CSMD1: variants seen among roughly 807,000 people sequenced by gnomAD.
The protein encoded by CSMD1 is CUB and Sushi multiple domains 1.
CSMD1 carries 213 observed loss-of-function variants against 417.5 expected under a neutral mutation model. The observed-to-expected ratio is 0.51, with a 90% CI of 0.46 to 0.57. The LOEUF (loss-of-function observed/expected upper bound fraction) is 0.57. Among genes scored for constraint, CSMD1 ranks in the 20% least tolerant of loss-of-function variants. The pLI is 0.00. For synonymous variants in CSMD1, 2,862 were observed against 1,736.8 expected, an observed-to-expected ratio of 1.65 and a Z score of -16.11; for missense variants, 6,923 against 4,529.7, an observed-to-expected ratio of 1.53 and a Z score of -15.17.
At chr8:3,283,382 C>G (rs1322297896) in intron 26 of CSMD1, among the ~76,000 whole-genome samples, 3 of 152,126 alleles carry the variant, frequency 2.0e-5, no homozygotes, top group Non-Finnish European at 4.4e-5. Context: ...AGACCCACAC[C>G]TGTCTTGCAT....
chr8:4,344,215 CCT>C (rs1563076025), intron 3 of CSMD1, among the ~76,000 whole-genome samples: 1 of 152,064 alleles, frequency 6.6e-6, no homozygotes, highest in African/African-American at 2.4e-5. Context: ...TGGAGACTTT[CCT>C]CTGTTTTCCC....
At chr8:4,612,975 G>C (rs538554891) in intron 2 of CSMD1, among the ~76,000 whole-genome samples, 1 of 152,126 alleles carries the variant, frequency 6.6e-6, no homozygotes, top group Non-Finnish European at 1.5e-5. Flanking sequence ...AGATATAACA[G>C]TCCCTGCAAA....
chr8:3,274,696 C>T (rs1175464870), intron 26 of CSMD1, among the ~76,000 whole-genome samples: 2 of 152,076 alleles, frequency 1.3e-5, no homozygotes, highest in Admixed American at 6.5e-5. Flanking sequence ...CCTTCTTTGT[C>T]TCTTTTGATC....
intron 2 of CSMD1, among the ~76,000 whole-genome samples, chr8:4,616,565 T>A (rs1478390131): frequency 1.3e-5 from 2 of 152,200 alleles, no homozygotes; most frequent in Non-Finnish European, 2.9e-5. Flanking sequence ...GTTATAATAC[T>A]CAGTAAACTT....
intron 1 of CSMD1, among the ~76,000 whole-genome samples, chr8:4,644,733 G>C (rs1335361572): frequency 6.6e-6 from 1 of 152,184 alleles, no homozygotes; most frequent in Non-Finnish European, 1.5e-5. Flanking sequence ...TTCCCTTATA[G>C]CATTTATAAC....
rs575563066 is a variant in CSMD1 at position 4,670,143 on chromosome 8, T to G, written c.86-32585A>C. Among the ~76,000 whole-genome samples the G allele has an allele frequency of 1.5e-4, 23 of 152,280 alleles. No homozygotes were observed. In the Middle Eastern group the frequency reaches 0.01, roughly 68 times the overall value. ...GATTAGGGTAGGGTTAGAAATATAG[T>G]TTTTCATCTCCTACACTCACATTAA... On this transcript the variant is annotated intron_variant, in intron 1 of 69. Coordinates refer to ENST00000635120, the MANE Select transcript of CSMD1 (RefSeq NM_033225.6).
chr8:4,110,241 T>G (rs938257135), intron 3 of CSMD1, among the ~76,000 whole-genome samples: 5 of 152,102 alleles, frequency 3.3e-5, no homozygotes, highest in African/African-American at 9.7e-5. Flanking sequence ...AAAACAAGAC[T>G]GAAAGCTTGG....
intron 2 of CSMD1, among the ~76,000 whole-genome samples, chr8:4,524,873 T>C (rs1165680955): frequency 6.6e-6 from 1 of 152,166 alleles, no homozygotes; most frequent in Non-Finnish European, 1.5e-5. Flanking sequence ...CTTTTAATTT[T>C]ACCATGACTT....
chr8:4,507,903 T>C (rs1459969567), intron 2 of CSMD1, among the ~76,000 whole-genome samples: 2 of 152,126 alleles, frequency 1.3e-5, no homozygotes, highest in Non-Finnish European at 2.9e-5. Context: ...AAGTGAAAGA[T>C]ATTTGGAATT....
intron 8 of CSMD1, among the ~76,000 whole-genome samples, chr8:3,591,793 A>T (rs749434450): frequency 2.5e-5 from 3 of 121,580 alleles, no homozygotes; most frequent in African/African-American, 8.0e-5. Flanking sequence ...GGATAGATGG[A>T]AAGATGGAAA....
At chr8:4,260,055 G>T (rs1803759884) in intron 3 of CSMD1, among the ~76,000 whole-genome samples, 1 of 151,466 alleles carries the variant, frequency 6.6e-6, no homozygotes, top group African/African-American at 2.4e-5. Context: ...ACTTGAAAGG[G>T]AAGTGTTGTC....
intron 8 of CSMD1, among the ~76,000 whole-genome samples, chr8:3,597,265 G>A (rs963040360): frequency 2.0e-5 from 3 of 152,134 alleles, no homozygotes; most frequent in African/African-American, 4.8e-5. Context: ...AGGCACCGGT[G>A]AGACAGAGCA....
intron 18 of CSMD1, among the ~76,000 whole-genome samples, chr8:3,384,152 G>A (rs561928855): frequency 6.6e-6 from 1 of 152,224 alleles, no homozygotes; most frequent in African/African-American, 2.4e-5. Context: ...TCTGGGAAAT[G>A]CATTGAGCTA....
intron 5 of CSMD1, among the ~76,000 whole-genome samples, chr8:3,979,267 G>A (rs551462699): frequency 3.9e-5 from 6 of 152,132 alleles, no homozygotes; most frequent in Non-Finnish European, 5.9e-5. Flanking sequence ...TTTTGGGAGC[G>A]GATTGCAATG....
At chr8:4,131,246 A>C (rs1412354151) in intron 3 of CSMD1, among the ~76,000 whole-genome samples, 1 of 152,216 alleles carries the variant, frequency 6.6e-6, no homozygotes, top group East Asian at 1.9e-4. Context: ...GTGGCTGAGT[A>C]CAGAAAGGTA....
chr8:3,725,947 G>A (rs1031104827), intron 6 of CSMD1, among the ~76,000 whole-genome samples: 6 of 152,140 alleles, frequency 3.9e-5, no homozygotes, highest in Non-Finnish European at 8.8e-5. Flanking sequence ...TGACTCGCAA[G>A]CAATGAACAG....
intron 5 of CSMD1, among the ~76,000 whole-genome samples, chr8:3,944,803 C>A (rs1055869090): frequency 6.6e-6 from 1 of 152,068 alleles, no homozygotes; most frequent in African/African-American, 2.4e-5. Flanking sequence ...TCTGTTTTTG[C>A]GTTTCTTCCC....
intron 5 of CSMD1, among the ~76,000 whole-genome samples, chr8:3,947,507 A>G (rs529430585): frequency 1.2e-4 from 18 of 152,282 alleles, no homozygotes; most frequent in South Asian, 8.3e-4. Context: ...TGTACTTCAT[A>G]TTTGGAAATT....
At chr8:4,185,547 A>C (rs897515086) in intron 3 of CSMD1, among the ~76,000 whole-genome samples, 1 of 152,190 alleles carries the variant, frequency 6.6e-6, no homozygotes, top group African/African-American at 2.4e-5. Flanking sequence ...AACATGCGCT[A>C]ATTTTTTAAC....
Sources: gnomAD v4.1 joint callset for allele counts (sites outside exome capture counted in the v4.1 genomes callset) on GRCh38, gnomAD v4.1.1 for gene constraint, MANE v1.5 for transcripts, NCBI Gene and HGNC (gene_info 2026-07-23, HGNC 2026-07-21) for gene names.